EXOC4: variants seen among roughly 807,000 people sequenced by gnomAD.
EXOC4 encodes the protein SEC8-like 1.
In EXOC4, 71 loss-of-function variants were observed where a neutral mutation model predicts 107.2. The observed-to-expected ratio is 0.66, with a 90% CI of 0.55 to 0.81. EXOC4 has a LOEUF of 0.81. EXOC4 is among the 30% of genes least tolerant of loss of function. EXOC4 has a pLI of 0.00. For synonymous variants in EXOC4, 456 were observed against 441.2 expected (o/e 1.03, Z -0.42); for missense variants, 1,108 against 1,189.6 (o/e 0.93, Z 1.01).
At chr7:133,595,439 C>CT (rs1466264559) in intron 9 of EXOC4, among the ~76,000 whole-genome samples, 18 of 152,258 alleles carry the variant, frequency 1.2e-4, no homozygotes, top group African/African-American at 4.1e-4. Context: ...CCACAAATGT[C>CT]TATTTTGCAT....
intron 10 of EXOC4, among the ~76,000 whole-genome samples, chr7:133,816,204 T>C (rs1797365048): frequency 6.6e-6 from 1 of 152,232 alleles, no homozygotes; most frequent in South Asian, 2.1e-4. Flanking sequence ...CACTGTGGTA[T>C]TGAGGTATTT....
At chr7:133,857,172 A>T (rs1361614375) in intron 11 of EXOC4, among the ~76,000 whole-genome samples, 3 of 17,132 alleles carry the variant, frequency 1.8e-4, no homozygotes, top group African/African-American at 9.9e-4. Flanking sequence ...ATATATATAT[A>T]TATATATATA....
the EXOC4 span, among the ~76,000 whole-genome samples, chr7:134,096,815 C>T: frequency 6.6e-6 from 1 of 152,044 alleles, no homozygotes; most frequent in Non-Finnish European, 1.5e-5. Flanking sequence ...ATGGTGCCCA[C>T]CCAGATTGAG....
chr7:133,670,160 A>G (rs1793914412), intron 10 of EXOC4, among the ~76,000 whole-genome samples: 1 of 152,192 alleles, frequency 6.6e-6, no homozygotes, highest in African/African-American at 2.4e-5. Context: ...CTACATTGCT[A>G]AGGTGCATAC....
At chr7:133,485,504 C>T (rs925006485) in intron 9 of EXOC4, among the ~76,000 whole-genome samples, 1 of 151,992 alleles carries the variant, frequency 6.6e-6, no homozygotes, top group Non-Finnish European at 1.5e-5. Context: ...TCTGTGTCTC[C>T]TGCCCTTTTC....
At chr7:133,269,678 C>T (rs1396999182) in intron 1 of EXOC4, among the ~76,000 whole-genome samples, 2 of 152,088 alleles carry the variant, frequency 1.3e-5, no homozygotes, top group African/African-American at 4.8e-5. Flanking sequence ...TCAAAGGGAT[C>T]TTGGATAATT....
intron 3 of EXOC4, among the ~76,000 whole-genome samples, chr7:133,295,855 T>C (rs1794507821): frequency 6.6e-6 from 1 of 152,176 alleles, no homozygotes; most frequent in South Asian, 2.1e-4. Context: ...GAACTGTTTT[T>C]TCTTATTACT....
intron 3 of EXOC4, among the ~76,000 whole-genome samples, chr7:133,295,414 A>G (rs180708424): frequency 3.1e-4 from 47 of 152,244 alleles, no homozygotes; most frequent in Non-Finnish European, 6.2e-4. Context: ...AAATATGTTC[A>G]TAGGGTACCC....
chr7:133,929,642 G>A (rs1189753634), intron 13 of EXOC4, among the ~76,000 whole-genome samples: 1 of 152,016 alleles, frequency 6.6e-6, no homozygotes, highest in Non-Finnish European at 1.5e-5. Flanking sequence ...ATGTCATGGG[G>A]ATTTAGCCTA....
chr7:134,017,571 A>G (rs1375117474), intron 17 of EXOC4, among the ~76,000 whole-genome samples: 7 of 152,158 alleles, frequency 4.6e-5, no homozygotes, highest in Non-Finnish European at 8.8e-5. Context: ...GTTTCTGACC[A>G]TGCCGCTTTT....
At chr7:133,807,863 T>G (rs777576627) in intron 10 of EXOC4, among the ~76,000 whole-genome samples, 6 of 152,212 alleles carry the variant, frequency 3.9e-5, no homozygotes, top group Non-Finnish European at 8.8e-5. Flanking sequence ...TTACCTAAAG[T>G]GCTTTTCAGT....
intron 11 of EXOC4, among the ~76,000 whole-genome samples, chr7:133,847,848 AC>A (rs1798163132): frequency 6.8e-6 from 1 of 146,476 alleles, no homozygotes. Flanking sequence ...AGCTGGGATT[AC>A]AGGCACCTGC....
intron 9 of EXOC4, among the ~76,000 whole-genome samples, chr7:133,524,860 T>C (rs1389353668): frequency 6.6e-6 from 1 of 152,192 alleles, no homozygotes. Flanking sequence ...AACAGTGAGC[T>C]CTTCCTTAGT....
At position 133,710,790 on chromosome 7, in the gene EXOC4, A is replaced by G. The variant is rs527365582; in HGVS notation, c.1514+80649A>G. 5.3e-5 allele frequency among the ~76,000 whole-genome samples: 8 copies of G among 151,252 alleles called. No individual in the cohort carries two copies. In the South Asian group the frequency reaches 1.3e-3, roughly 24 times the overall value. On this transcript the variant is annotated intron_variant, in intron 10 of 17. Coordinates refer to ENST00000253861, the MANE Select transcript of EXOC4 (RefSeq NM_021807.4). ...ATGTATTTCAGGGCAGCTGCTACCA[A>G]TTTCTTTTTTTTTGTTTTGTTTTGT...
At chr7:134,024,255 C>T (rs542790238) in intron 17 of EXOC4, among the ~76,000 whole-genome samples, 1 of 152,234 alleles carries the variant, frequency 6.6e-6, no homozygotes, top group South Asian at 2.1e-4. Flanking sequence ...TCGAGACCAT[C>T]CTGGCTAACG....
chr7:133,457,945 G>T (rs73724593), intron 7 of EXOC4, among the ~76,000 whole-genome samples: 2,952 of 152,200 alleles, frequency 0.019, 100 homozygotes, highest in African/African-American at 0.067. Flanking sequence ...CTTGAATTTA[G>T]CAGACACCGA....
intron 7 of EXOC4, among the ~76,000 whole-genome samples, chr7:133,431,519 G>A (rs1276378290): frequency 2.6e-5 from 4 of 152,192 alleles, no homozygotes; most frequent in Admixed American, 2.6e-4. Flanking sequence ...AGACAGGTTA[G>A]TACAGGTTTG....
chr7:133,984,415 TC>T (rs1794067436), intron 14 of EXOC4, among the ~76,000 whole-genome samples: 1 of 152,222 alleles, frequency 6.6e-6, no homozygotes, highest in South Asian at 2.1e-4. Flanking sequence ...CTCATATCCT[TC>T]CTGGAGCTTT....
In EXOC4 at chr7:133,686,961, A is replaced by G. The variant is rs148793560; in HGVS notation, c.1514+56820A>G. Among the ~76,000 whole-genome samples the G allele has an allele frequency of 5.9e-5, 9 of 151,800 alleles. No homozygotes were observed. In the East Asian group the frequency reaches 1.8e-3, roughly 30 times the overall value. On this transcript the variant is annotated intron_variant, in intron 10 of 17. Transcript: ENST00000253861. ...TGCAAAAATACAGAAACCAGCCCAA[A>G]TGCCTATCAATCAATGAGGGGATAA...
Sources: allele counts gnomAD v4.1 joint callset (sites outside exome capture counted in the v4.1 genomes callset), GRCh38; gene constraint gnomAD v4.1.1; transcripts MANE v1.5; gene names NCBI Gene and HGNC (gene_info 2026-07-23, HGNC 2026-07-21).